The following GCM1 variants were observed in gnomAD, a reference collection of about 807,000 sequenced individuals.
GCM1 encodes the protein chorion-specific transcription factor GCMa.
A neutral mutation model predicts 25.7 loss-of-function variants in GCM1; 2 were observed. The ratio of observed to expected loss-of-function variants is 0.08; its 90% confidence interval spans 0.03 to 0.24. The LOEUF (loss-of-function observed/expected upper bound fraction) is 0.24. Among genes scored for constraint, GCM1 ranks in the 10% least tolerant of loss-of-function variants. GCM1 has a pLI of 1.00. For synonymous variants in GCM1, 183 were observed against 195.7 expected (o/e 0.94, Z 0.54); for missense variants, 395 against 538.7 (o/e 0.73, Z 2.64).
In GCM1 at chr6:53,128,277, C is replaced by T. The variant is rs771205459; in HGVS notation, c.1240G>A (p.Glu414Lys). ...PSKSSKWDFE[E>K]EMTYLGLDHC... is the part of the protein sequence containing the mutation. ...TCCAAACCCAAGTATGTCATTTCTT[C>T]CTCAAAATCCCATTTGCTGCTCTTG... The change falls in exon 6 of 6, where the codon GAA (glutamate) becomes AAA (lysine). Residue 414 changes from glutamate to lysine, a missense_variant. Coordinates refer to ENST00000259803, the MANE Select transcript of GCM1 (RefSeq NM_003643.4). 1.2e-6 allele frequency: 2 copies of T among 1,613,606 alleles called. No individual in the cohort carries two copies. The highest frequency in any genetic ancestry group is 1.6e-4 in the Middle Eastern group (1 of 6,062).
rs372691544 is a variant in GCM1 at position 53,128,308 on chromosome 6, C to T, written c.1209G>A (p.Leu403=). 8.1e-6 allele frequency: 13 copies of T among 1,613,812 alleles called. No individual in the cohort carries two copies. The African/African-American group carries it at 1.7e-4, about 22-fold the overall frequency. The change falls in exon 6 of 6, where the codon CTG becomes CTA. Residue 403 remains leucine, a synonymous_variant. Coordinates refer to ENST00000259803, the MANE Select transcript of GCM1 (RefSeq NM_003643.4). ...AATCCCATTTGCTGCTCTTGCTTGGCAGTGAATATTGCTGATGAGGATGAG... is the reference window on the plus strand; with the variant it reads ...AATCCCATTTGCTGCTCTTGCTTGGTAGTGAATATTGCTGATGAGGATGAG... ...YASHPHQQYS[L]PSKSSKWDFE... is the part of the protein sequence containing the mutation.
chr6:53,141,017 T>C (rs957199289), intron 2 of GCM1, among the ~76,000 whole-genome samples: 1 of 152,200 alleles, frequency 6.6e-6, no homozygotes, highest in African/African-American at 2.4e-5. Flanking sequence ...TAATTTTTTT[T>C]TCCTCTAACC....
At chr6:53,144,421 T>TA (rs766498725) in intron 2 of GCM1, among the ~76,000 whole-genome samples, 4,886 of 121,106 alleles carry the variant, frequency 0.04, 261 homozygotes, top group African/African-American at 0.13. Context: ...CAAACCCATC[T>TA]AAAAAAAAAA....
intron 5 of GCM1, among the ~76,000 whole-genome samples, chr6:53,130,252 CA>C (rs544183365): frequency 1.3e-5 from 2 of 152,016 alleles, no homozygotes; most frequent in Non-Finnish European, 2.9e-5. Flanking sequence ...CAGACAAATG[CA>C]AAAAAACCTA....
chr6:53,147,416 GTTTTTATTGT>G (rs1763972730), intron 1 of GCM1, among the ~76,000 whole-genome samples: 3 of 105,760 alleles, frequency 2.8e-5, no homozygotes, highest in South Asian at 5.9e-4. Context: ...CTTTTCTTTA[GTTTTTATTGT>G]TTTTTTTTTT....
chr6:53,143,023 G>A lies in GCM1; in HGVS notation c.75+2535C>T, dbSNP rs115578994. On this transcript the variant is annotated intron_variant, in intron 2 of 5. Transcript: ENST00000259803. Reference sequence around the variant, plus strand: ...ATAAACAATATAAAATCTAATGTCTGGAAATCTTTCCAAGAGCTCAAGTGT... The same window carrying A: ...ATAAACAATATAAAATCTAATGTCTAGAAATCTTTCCAAGAGCTCAAGTGT... Among the ~76,000 whole-genome samples, 1,251 of 152,000 alleles carry A rather than the reference G, an allele frequency of 8.2e-3. 21 individuals carry two copies. The highest frequency in any genetic ancestry group is 0.029 in the African/African-American group (1,190 of 41,458).
At chr6:53,132,696 A>G (rs780892954) in intron 3 of GCM1, among the ~76,000 whole-genome samples, 3 of 152,212 alleles carry the variant, frequency 2.0e-5, no homozygotes, top group Non-Finnish European at 4.4e-5. Context: ...TGGGTGACAG[A>G]GTGAAAGTCT....
chr6:53,134,306 A>C lies in GCM1; in HGVS notation c.94T>G (p.Trp32Gly). The change falls in exon 3 of 6, where the codon TGG (tryptophan) becomes GGG (glycine). Residue 32 changes from tryptophan (W) to glycine (G), a missense_variant. Trp to Gly is a radical substitution (Grantham distance 184, BLOSUM62 -2). Transcript: ENST00000259803. Reference protein sequence around the residue: ...KLPQNVKKTDWFQEWPDSYAK... With the variant: ...KLPQNVKKTDGFQEWPDSYAK... ...TAGGAATCTGGCCACTCCTGGAACCAGTCGGTTTTTTTCACGTTCTGATAG... is the reference window on the plus strand; with the variant it reads ...TAGGAATCTGGCCACTCCTGGAACCCGTCGGTTTTTTTCACGTTCTGATAG... 1.2e-6 allele frequency: 2 copies of C among 1,613,836 alleles called. No homozygotes were observed. The highest frequency in any genetic ancestry group is 2.2e-5 in the East Asian group (1 of 44,878).
At chr6:53,148,257 A>G (rs1763994259) in intron 1 of GCM1, among the ~76,000 whole-genome samples, 1 of 152,194 alleles carries the variant, frequency 6.6e-6, no homozygotes, top group Non-Finnish European at 1.5e-5. Context: ...GATGGTGCAA[A>G]TTTTGTTATA....
chr6:53,135,710 G>C (rs2816344), intron 2 of GCM1, among the ~76,000 whole-genome samples: 112,351 of 152,112 alleles, frequency 0.74, 41,616 homozygotes, highest in Admixed American at 0.78. Flanking sequence ...TCTAGAAGGT[G>C]AAAATAGAAG....
intron 2 of GCM1, among the ~76,000 whole-genome samples, 167 bp downstream of exon 2, chr6:53,145,390 CT>C: frequency 6.6e-6 from 1 of 152,280 alleles, no homozygotes. Flanking sequence ...AATCATAGGT[CT>C]TGCCATCTCT....
At chr6:53,134,767 A>C (rs1376426655) in intron 2 of GCM1, among the ~76,000 whole-genome samples, 1 of 152,214 alleles carries the variant, frequency 6.6e-6, no homozygotes, top group Non-Finnish European at 1.5e-5. Flanking sequence ...CAGGGGTTCA[A>C]GACCAGCCTG....
chr6:53,138,417 G>A (rs1026629346), intron 2 of GCM1, among the ~76,000 whole-genome samples: 1 of 152,074 alleles, frequency 6.6e-6, no homozygotes, highest in Non-Finnish European at 1.5e-5. Flanking sequence ...ACATTTAGTA[G>A]GGTCTTTGAT....
intron 2 of GCM1, among the ~76,000 whole-genome samples, chr6:53,136,996 A>C (rs1324023615): frequency 6.6e-6 from 1 of 152,050 alleles, no homozygotes; most frequent in Admixed American, 6.6e-5. Context: ...AAAAAGAAAA[A>C]AGAGTCCAAG....
chr6:53,130,775 G>A (rs750930734), intron 5 of GCM1, 28 bp downstream of exon 5: 31 of 1,604,074 alleles, frequency 1.9e-5, no homozygotes, highest in Non-Finnish European at 2.5e-5. Flanking sequence ...GCTACTGCAT[G>A]TATTGAACAT....
chr6:53,144,287 T>G (rs1763921760), intron 2 of GCM1, among the ~76,000 whole-genome samples: 1 of 150,590 alleles, frequency 6.6e-6, no homozygotes, highest in Non-Finnish European at 1.5e-5. Flanking sequence ...TAGCCAGGAG[T>G]GGTGGCACAT....
intron 2 of GCM1, among the ~76,000 whole-genome samples, chr6:53,143,840 T>G (rs1302355734): frequency 2.5e-4 from 17 of 68,666 alleles, no homozygotes; most frequent in South Asian, 7.5e-4. Flanking sequence ...GTGAGAGGGG[T>G]AGAGGGGGTG....
intron 2 of GCM1, among the ~76,000 whole-genome samples, chr6:53,144,663 T>A (rs1355594796): frequency 6.6e-6 from 1 of 151,180 alleles, no homozygotes; most frequent in African/African-American, 2.4e-5. Flanking sequence ...ATTAGCTGGG[T>A]GTGCCTGTGG....
At chr6:53,141,095 T>G (rs938699215) in intron 2 of GCM1, among the ~76,000 whole-genome samples, 2 of 152,144 alleles carry the variant, frequency 1.3e-5, no homozygotes, top group Non-Finnish European at 2.9e-5. Context: ...CCTTTCAAAC[T>G]CCTCTAGCAT....
Sources: allele counts gnomAD v4.1 joint callset (sites outside exome capture counted in the v4.1 genomes callset), GRCh38; gene constraint gnomAD v4.1.1; transcripts MANE v1.5; gene names NCBI Gene and HGNC (gene_info 2026-07-23, HGNC 2026-07-21).